CTNNA3: variants seen among roughly 807,000 people sequenced by gnomAD.
The protein encoded by CTNNA3 is catenin alpha-3.
A neutral mutation model predicts 95.7 loss-of-function variants in CTNNA3; 76 were observed. The ratio of observed to expected loss-of-function variants is 0.79; its 90% confidence interval spans 0.66 to 0.96. The LOEUF is 0.96. Among genes scored for constraint, CTNNA3 ranks in the 40% least tolerant of loss-of-function variants. The probability of loss-of-function intolerance (pLI) is 0.00; values close to 1 mark genes in which losing one functional copy is unlikely to be tolerated. For synonymous variants in CTNNA3, 431 were observed against 374.4 expected (o/e 1.15, Z -1.74); for missense variants, 1,191 against 1,089.8 (o/e 1.09, Z -1.31).
intron 2 of CTNNA3, among the ~76,000 whole-genome samples, chr10:67,617,626 TG>T (rs992588551): frequency 1.3e-5 from 2 of 152,190 alleles, no homozygotes; most frequent in Non-Finnish European, 2.9e-5. Flanking sequence ...TATCCAGTAA[TG>T]GGATTACTGG....
At chr10:67,372,671 TTG>T (rs1364897877) in intron 5 of CTNNA3, among the ~76,000 whole-genome samples, 4 of 152,008 alleles carry the variant, frequency 2.6e-5, no homozygotes, top group African/African-American at 9.7e-5. Context: ...AGACACATAA[TTG>T]TCAGATTCAC....
intron 7 of CTNNA3, among the ~76,000 whole-genome samples, chr10:66,921,253 C>T (rs1040980322): frequency 9.9e-5 from 15 of 152,128 alleles, no homozygotes; most frequent in African/African-American, 3.6e-4. Flanking sequence ...ATGAGGGCTC[C>T]AATACCATGA....
intron 11 of CTNNA3, among the ~76,000 whole-genome samples, chr10:66,446,661 G>T (rs1382428037): frequency 2.6e-5 from 4 of 152,120 alleles, no homozygotes; most frequent in Non-Finnish European, 5.9e-5. Flanking sequence ...ATTACGTATT[G>T]ATGGGACGTA....
rs2087040689 is a variant in CTNNA3 at position 66,197,461 on chromosome 10, A to G, written c.1884+83009T>C. Among the ~76,000 whole-genome samples the G allele has an allele frequency of 5.3e-5, 8 of 152,298 alleles. 1 individual carries two copies. The South Asian group carries it at 1.7e-3, about 32-fold the overall frequency. On this transcript the variant is annotated intron_variant, in intron 13 of 17. Coordinates refer to ENST00000433211, the MANE Select transcript of CTNNA3 (RefSeq NM_013266.4). ...CTACTTTGATCTCATAAACCTAGAC[A>G]AACACATAACTCTATCACATAACTT... is the stretch of plus-strand genomic sequence containing the variant.
intron 5 of CTNNA3, among the ~76,000 whole-genome samples, chr10:67,487,647 G>C (rs758349484): frequency 6.6e-6 from 1 of 152,230 alleles, no homozygotes; most frequent in Admixed American, 6.5e-5. Context: ...TGAAAAGCTA[G>C]AGTTGTAACC....
intron 5 of CTNNA3, among the ~76,000 whole-genome samples, chr10:67,263,547 C>A (rs1453375545): frequency 2.0e-5 from 3 of 152,138 alleles, no homozygotes; most frequent in Non-Finnish European, 4.4e-5. Context: ...AACAACTCAT[C>A]CCTCAAGAAA....
At chr10:66,130,303 A>G (rs1328427381) in intron 13 of CTNNA3, among the ~76,000 whole-genome samples, 1 of 152,188 alleles carries the variant, frequency 6.6e-6, no homozygotes, top group Non-Finnish European at 1.5e-5. Flanking sequence ...CAATTAAAGG[A>G]ACTAGAAAAG....
At chr10:67,023,037 G>A (rs944563591) in intron 7 of CTNNA3, among the ~76,000 whole-genome samples, 20 of 152,082 alleles carry the variant, frequency 1.3e-4, no homozygotes, top group Admixed American at 2.6e-4. Context: ...GTCAGTGATT[G>A]GCATACTCAA....
intron 5 of CTNNA3, among the ~76,000 whole-genome samples, chr10:67,282,315 G>C (rs1181561755): frequency 6.6e-6 from 1 of 152,220 alleles, no homozygotes; most frequent in Admixed American, 6.5e-5. Flanking sequence ...AGATTCAAAG[G>C]CACTAATATA....
chr10:66,756,196 A>G (rs566157147), intron 9 of CTNNA3, among the ~76,000 whole-genome samples: 15 of 152,294 alleles, frequency 9.8e-5, no homozygotes, highest in African/African-American at 3.6e-4. Context: ...AGAGGAAGAC[A>G]TTAGAGTGAA....
rs574034267 is a variant in CTNNA3, at chr10:66,156,633, A to C, written c.1885-53384T>G. ...AGTGGTGAAAATGAAGGAAAAAAAA[A>C]CAGTAGTGAACATATAGAAAGATAG... On this transcript the variant is annotated intron_variant, in intron 13 of 17. Coordinates refer to ENST00000433211, the MANE Select transcript of CTNNA3 (RefSeq NM_013266.4). Among the ~76,000 whole-genome samples the C allele has an allele frequency of 3.3e-5, 5 of 151,960 alleles. No individual in the cohort carries two copies. In the South Asian group the frequency reaches 6.2e-4, roughly 19 times the overall value.
intron 13 of CTNNA3, among the ~76,000 whole-genome samples, chr10:66,203,532 C>CA (rs956379294): frequency 2.7e-5 from 4 of 147,054 alleles, no homozygotes; most frequent in Non-Finnish European, 6.0e-5. Context: ...TCTTAGTGGA[C>CA]AAAAAAAAAG....
intron 13 of CTNNA3, among the ~76,000 whole-genome samples, chr10:66,164,117 A>G (rs1012436416): frequency 6.6e-6 from 1 of 152,192 alleles, no homozygotes; most frequent in Non-Finnish European, 1.5e-5. Flanking sequence ...CTATTTACAC[A>G]TCAGTAATTA....
chr10:66,842,599 T>C (rs1299622318), intron 7 of CTNNA3, among the ~76,000 whole-genome samples: 2 of 152,130 alleles, frequency 1.3e-5, no homozygotes, highest in Non-Finnish European at 2.9e-5. Context: ...CAGGTGGGCA[T>C]GGTGATACAT....
intron 10 of CTNNA3, among the ~76,000 whole-genome samples, chr10:66,548,077 G>A (rs1036387005): frequency 1.3e-5 from 2 of 151,974 alleles, no homozygotes; most frequent in South Asian, 4.2e-4. Flanking sequence ...CACCATGTCC[G>A]GCTCCCATTT....
chr10:67,168,468 G>A (rs1372008460), intron 7 of CTNNA3, among the ~76,000 whole-genome samples: 1 of 152,190 alleles, frequency 6.6e-6, no homozygotes, highest in East Asian at 1.9e-4. Flanking sequence ...AGAATGCAAG[G>A]TTGGTTCAAC....
intron 7 of CTNNA3, among the ~76,000 whole-genome samples, chr10:66,932,913 A>G (rs1272849044): frequency 6.6e-6 from 1 of 152,208 alleles, no homozygotes; most frequent in African/African-American, 2.4e-5. Context: ...CTTAGAAATT[A>G]AGACCTAAAT....
chr10:66,277,570 C>A (rs2091421348), intron 13 of CTNNA3, among the ~76,000 whole-genome samples: 1 of 152,096 alleles, frequency 6.6e-6, no homozygotes, highest in Non-Finnish European at 1.5e-5. Context: ...GATAGATTTT[C>A]ATTTACTTGC....
chr10:67,460,327 AACTG>A (rs1274522911), intron 5 of CTNNA3, among the ~76,000 whole-genome samples: 3 of 152,298 alleles, frequency 2.0e-5, no homozygotes, highest in East Asian at 1.9e-4. Flanking sequence ...CCAGTTGTGT[AACTG>A]ACTAATACTG....
Sources: allele counts gnomAD v4.1 joint callset (sites outside exome capture counted in the v4.1 genomes callset), GRCh38; gene constraint gnomAD v4.1.1; transcripts MANE v1.5; gene names NCBI Gene and HGNC (gene_info 2026-07-23, HGNC 2026-07-21).